TMEM44: variants seen among roughly 807,000 people sequenced by gnomAD.
TMEM44 encodes transmembrane protein 44.
A neutral mutation model predicts 47.8 loss-of-function variants in TMEM44; 43 were observed. That is an observed-to-expected ratio of 0.90 (90% CI 0.70 to 1.16). The LOEUF (loss-of-function observed/expected upper bound fraction) is 1.16. Ranked by LOEUF, TMEM44 falls within the 50% of genes most tolerant of loss-of-function variation. TMEM44 has a pLI of 0.00. For synonymous variants in TMEM44, 277 were observed against 238.8 expected, an observed-to-expected ratio of 1.16 and a Z score of -1.48; for missense variants, 568 against 555.2, an observed-to-expected ratio of 1.02 and a Z score of -0.23.
rs374066788 is a variant in TMEM44, at chr3:194,617,283, G to C, written c.613-14C>G. The C allele has an allele frequency of 2.0e-6, 3 of 1,501,618 alleles. No individual in the cohort carries two copies. Among genetic ancestry groups the C allele is most frequent in the Non-Finnish European group, 2.7e-6 (3 of 1,119,132 alleles). The allele number at this position is 1,501,618 out of a possible 1,614,324, so 93.0% of individuals were successfully genotyped here. On this transcript the variant is annotated splice_polypyrimidine_tract_variant and intron_variant, in intron 5 of 9. Transcript: ENST00000347147. ...CTTCCCCCGGCACTGGGCAGAGAGA[G>C]GGAGGGGCTGGGCGGGAGAAGCAGC...
chr3:194,632,050 T>C (rs1717877649), intron 1 of TMEM44, among the ~76,000 whole-genome samples: 1 of 152,208 alleles, frequency 6.6e-6, no homozygotes, highest in African/African-American at 2.4e-5. Flanking sequence ...CCCTTTCCAA[T>C]AGGATCTGGG....
intron 1 of TMEM44, among the ~76,000 whole-genome samples, chr3:194,631,495 T>C (rs1717825001): frequency 6.6e-6 from 1 of 152,214 alleles, no homozygotes; most frequent in Non-Finnish European, 1.5e-5. Context: ...AAGCTCACAG[T>C]GGCAACATCA....
chr3:194,601,237 C>T (rs1815566), intron 9 of TMEM44, among the ~76,000 whole-genome samples: 60,657 of 150,490 alleles, frequency 0.4, 12,734 homozygotes, highest in East Asian at 0.77. Flanking sequence ...TCCGCCCCTC[C>T]GGGTTCAAAC....
intron 8 of TMEM44, among the ~76,000 whole-genome samples, chr3:194,608,216 C>G (rs1714965215): frequency 6.6e-6 from 1 of 152,206 alleles, no homozygotes; most frequent in South Asian, 2.1e-4. Flanking sequence ...CAAAGGCATG[C>G]TCTGAATCTC....
intron 9 of TMEM44, among the ~76,000 whole-genome samples, chr3:194,600,105 G>A (rs530783383): frequency 2.9e-4 from 44 of 149,770 alleles, no homozygotes; most frequent in African/African-American, 1.0e-3. Flanking sequence ...GTTTTGTTTT[G>A]TTTTCAGACA....
At chr3:194,620,747 C>T (rs953293755) in intron 5 of TMEM44, among the ~76,000 whole-genome samples, 9 of 151,910 alleles carry the variant, frequency 5.9e-5, no homozygotes, top group Admixed American at 4.6e-4. Context: ...GTCCCTAGGC[C>T]GGGCGTGGTG....
At position 194,623,759 on chromosome 3, in the gene TMEM44, G is replaced by A. The variant is rs1440253596; in HGVS notation, c.359-64C>T. On this transcript the variant is annotated intron_variant, in intron 3 of 9. Transcript: ENST00000347147. Reference sequence around the variant, plus strand: ...CCAGACCTTGTCAGATCAGATAGCTGCGTGGGAAGAACTGGTGTCAGCTCC... The same window carrying A: ...CCAGACCTTGTCAGATCAGATAGCTACGTGGGAAGAACTGGTGTCAGCTCC... 2.3e-5 allele frequency: 36 copies of A among 1,597,872 alleles called. No homozygotes were observed. The East Asian group carries it at 4.5e-4, about 20-fold the overall frequency.
intron 6 of TMEM44, 72 bp from the exon 7 acceptor site, chr3:194,615,769 C>T: frequency 1.3e-6 from 2 of 1,569,542 alleles, no homozygotes; most frequent in Non-Finnish European, 1.7e-6. Context: ...CCCCTCCACA[C>T]CATGCTGCCA....
intron 8 of TMEM44, among the ~76,000 whole-genome samples, chr3:194,606,373 T>A (rs577886565): frequency 2.6e-5 from 4 of 152,256 alleles, no homozygotes; most frequent in African/African-American, 9.6e-5. Flanking sequence ...GGGATATGTA[T>A]CAGTGGACAC....
At position 194,611,143 on chromosome 3, in the gene TMEM44, G is replaced by A. The variant is rs1184696136; in HGVS notation, c.913-123C>T. 11 of 753,262 alleles carry A rather than the reference G, an allele frequency of 1.5e-5. No individual in the cohort carries two copies. The highest frequency in any genetic ancestry group is 1.1e-4 in the East Asian group (4 of 37,158). 46.7% of individuals were successfully genotyped at this position (753,262 alleles called of 1,614,324 possible). ...GTATTTTCTCTCTCTCTTTTTTAAC[G>A]GCACGTCTCACTTTCTGCTTCCTAT... On this transcript the variant is annotated intron_variant, in intron 7 of 9. Transcript: ENST00000347147. The surrounding 1 kb of genome is among the most constrained non-coding windows in gnomAD (Gnocchi z 4.2).
chr3:194,626,683 T>C (rs968666455), intron 2 of TMEM44, among the ~76,000 whole-genome samples: 3 of 120,040 alleles, frequency 2.5e-5, no homozygotes, highest in African/African-American at 9.5e-5. Flanking sequence ...GTAGTTAAGT[T>C]TTTTTTTTTT....
At chr3:194,617,730 C>T (rs1560186831) in intron 5 of TMEM44, 6 of 704,022 alleles carry the variant, frequency 8.5e-6, no homozygotes, top group East Asian at 2.7e-5. Flanking sequence ...CATTTGTCCC[C>T]GCCAGATCTC....
At position 194,606,384 on chromosome 3, in the gene TMEM44, G is replaced by A. The variant is rs559610100; in HGVS notation, c.1018-1939C>T. ...TAATGGGATATGTATCAGTGGACAC[G>A]GCCAACAGGGTGCCTGTTTCCCCAC... On this transcript the variant is annotated intron_variant, in intron 8 of 9. Coordinates refer to ENST00000347147, the MANE Select transcript of TMEM44 (RefSeq NM_001011655.3). Among the ~76,000 whole-genome samples the A allele has an allele frequency of 8.1e-4, 123 of 152,202 alleles. No homozygotes were observed. In the South Asian group the frequency reaches 0.013, roughly 16 times the overall value.
intron 6 of TMEM44, 74 bp downstream of exon 6, chr3:194,617,025 A>G: frequency 7.1e-7 from 1 of 1,402,178 alleles, no homozygotes; most frequent in Non-Finnish European, 9.4e-7. Context: ...AGGGTGGGGC[A>G]GGGGCAGTGA....
intron 9 of TMEM44, among the ~76,000 whole-genome samples, chr3:194,590,803 A>G (rs1280326868): frequency 1.3e-5 from 2 of 152,122 alleles, no homozygotes. Flanking sequence ...CCACTGCTCG[A>G]GCTTCTTAAA....
chr3:194,616,503 A>C (rs1715904272), intron 6 of TMEM44: 1 of 444,946 alleles, frequency 2.2e-6, no homozygotes, highest in African/African-American at 2.0e-5. Flanking sequence ...AGGCCACATG[A>C]AGGGCAAGGC....
chr3:194,610,674 A>C (rs142043120), intron 8 of TMEM44, among the ~76,000 whole-genome samples: 36 of 152,154 alleles, frequency 2.4e-4, no homozygotes, highest in African/African-American at 8.2e-4. Context: ...TTCTTTGTAC[A>C]TTTAAAGCTG....
intron 2 of TMEM44, among the ~76,000 whole-genome samples, chr3:194,627,994 A>C (rs985141812): frequency 6.7e-6 from 1 of 148,816 alleles, no homozygotes; most frequent in Admixed American, 6.7e-5. Flanking sequence ...ACAAACAAGC[A>C]AAAAAAAAAG....
At chr3:194,598,669 A>G (rs935928739) in intron 9 of TMEM44, among the ~76,000 whole-genome samples, 1 of 152,208 alleles carries the variant, frequency 6.6e-6, no homozygotes, top group Admixed American at 6.5e-5. Context: ...CAAACACTTT[A>G]TGAACTGGAG....
Sources: gnomAD v4.1 joint callset for allele counts (sites outside exome capture counted in the v4.1 genomes callset) on GRCh38, gnomAD v4.1.1 for gene constraint, Gnocchi (gnomAD v3.1) non-coding constraint, MANE v1.5 for transcripts, NCBI Gene and HGNC (gene_info 2026-07-23, HGNC 2026-07-21) for gene names.